Variants in TPD52L1 observed in about 807,000 individuals in gnomAD.
TPD52L1 encodes the protein tumor protein D53.
In TPD52L1, 18 loss-of-function variants were observed where a neutral mutation model predicts 28.7. That is an observed-to-expected ratio of 0.63 (90% confidence interval 0.43 to 0.93). TPD52L1 has a LOEUF of 0.93. Ranked by LOEUF, TPD52L1 falls within the 40% of genes least tolerant of loss-of-function variation. The probability of loss-of-function intolerance (pLI) is 0.00; values close to 1 mark genes in which losing one functional copy is unlikely to be tolerated. For missense variants in TPD52L1, 203 were observed against 254.8 expected (o/e 0.80, Z 1.39); for synonymous variants, 75 against 88.8 (o/e 0.84, Z 0.88).
At chr6:125,214,394 T>C in intron 1 of TPD52L1, 3 of 942,592 alleles carry the variant, frequency 3.2e-6, no homozygotes, top group Non-Finnish European at 3.8e-6. Flanking sequence ...GGCTTAGCTC[T>C]CCTCATTCTC....
chr6:125,250,675 A>G (rs186789267), intron 4 of TPD52L1, among the ~76,000 whole-genome samples: 1 of 152,304 alleles, frequency 6.6e-6, no homozygotes, highest in East Asian at 1.9e-4. Flanking sequence ...TCACATATGC[A>G]ATATGTTGGC....
intron 1 of TPD52L1, among the ~76,000 whole-genome samples, chr6:125,160,369 A>G (rs1790438317): frequency 6.6e-6 from 1 of 152,128 alleles, no homozygotes; most frequent in East Asian, 1.9e-4. Flanking sequence ...TTGTATTTGC[A>G]TTTTCATAGA....
At chr6:125,223,581 C>T (rs1029445913) in intron 2 of TPD52L1, among the ~76,000 whole-genome samples, 3 of 151,778 alleles carry the variant, frequency 2.0e-5, no homozygotes, top group Admixed American at 6.6e-5. Context: ...TGGTGGCATG[C>T]GCCTATAATC....
intron 5 of TPD52L1, 185 bp downstream of exon 5, chr6:125,253,940 G>A (rs1797434122): frequency 5.2e-6 from 4 of 764,290 alleles, no homozygotes; most frequent in Admixed American, 5.1e-5. Context: ...AGACATCCTG[G>A]CTTAAATCTA....
intron 2 of TPD52L1, among the ~76,000 whole-genome samples, chr6:125,224,120 C>T (rs2114973404): frequency 6.6e-6 from 1 of 151,920 alleles, no homozygotes; most frequent in Admixed American, 6.6e-5. Context: ...CCACTATCAT[C>T]CCACTCCCAC....
At chr6:125,206,616 A>G (rs899054130) in intron 1 of TPD52L1, among the ~76,000 whole-genome samples, 3 of 152,222 alleles carry the variant, frequency 2.0e-5, no homozygotes, top group Non-Finnish European at 1.5e-5. Flanking sequence ...TGGTAGGGAC[A>G]TCACAGGCAG....
rs758623258 is a variant in TPD52L1, at chr6:125,156,463, C to CAAAAAAAAAAAAAAA, written c.19+2496_19+2510dup. ...TCTGGACAAGAGTGAGACCTTGTCT[C>CAAAAAAAAAAAAAAA]AAAAAAAAAAAAAAAAAGAGAGAGA... On this transcript the variant is annotated intron_variant, in intron 1 of 6. Coordinates refer to ENST00000534000, the MANE Select transcript of TPD52L1 (RefSeq NM_003287.4). 1.0e-3 allele frequency among the ~76,000 whole-genome samples: 39 copies of CAAAAAAAAAAAAAAA among 37,182 alleles called. 1 individual carries two copies. The highest frequency in any genetic ancestry group is 6.1e-3 in the East Asian group (10 of 1,638). 24.4% of individuals were successfully genotyped at this position (37,182 alleles called of 152,430 possible).
intron 3 of TPD52L1, among the ~76,000 whole-genome samples, chr6:125,243,637 C>A (rs1796750368): frequency 6.6e-6 from 1 of 151,886 alleles, no homozygotes; most frequent in Admixed American, 6.5e-5. Flanking sequence ...CTTTCATTTC[C>A]AGAAGTTATG....
chr6:125,211,549 T>G (rs1343321681), intron 1 of TPD52L1, among the ~76,000 whole-genome samples: 1 of 152,202 alleles, frequency 6.6e-6, no homozygotes, highest in Admixed American at 6.5e-5. Flanking sequence ...GTTTTATGAT[T>G]GCTCGTCTGT....
At chr6:125,208,468 G>A (rs1211843575) in intron 1 of TPD52L1, among the ~76,000 whole-genome samples, 1 of 152,136 alleles carries the variant, frequency 6.6e-6, no homozygotes, top group Non-Finnish European at 1.5e-5. Flanking sequence ...TTCCCAGAAG[G>A]GATTGGTGGA....
chr6:125,249,690 T>TAAA (rs1175742299), intron 4 of TPD52L1, among the ~76,000 whole-genome samples: 3 of 82,308 alleles, frequency 3.6e-5, no homozygotes, highest in African/African-American at 2.1e-4. Flanking sequence ...AGACTCTGTC[T>TAAA]CAAAAAAAAA....
chr6:125,220,490 T>G (rs138366987), intron 2 of TPD52L1, among the ~76,000 whole-genome samples: 26 of 152,340 alleles, frequency 1.7e-4, no homozygotes, highest in African/African-American at 5.8e-4. Context: ...ATGGGAATAA[T>G]AAATTACTTA....
chr6:125,201,578 C>G (rs997495154), intron 1 of TPD52L1, among the ~76,000 whole-genome samples: 1 of 152,196 alleles, frequency 6.6e-6, no homozygotes, highest in African/African-American at 2.4e-5. Flanking sequence ...GTGCAAAAGC[C>G]AACAATGTGT....
At chr6:125,165,472 A>T (rs1790836665) in intron 1 of TPD52L1, among the ~76,000 whole-genome samples, 1 of 152,202 alleles carries the variant, frequency 6.6e-6, no homozygotes, top group Non-Finnish European at 1.5e-5. Flanking sequence ...TTCCCAGAAT[A>T]AAACCACAAA....
chr6:125,248,955 G>A (rs1169264101), intron 4 of TPD52L1, among the ~76,000 whole-genome samples: 1 of 151,720 alleles, frequency 6.6e-6, no homozygotes, highest in African/African-American at 2.4e-5. Flanking sequence ...CGTAGCTATA[G>A]CAATGCTTTT....
At chr6:125,188,581 T>C (rs1204291294) in intron 1 of TPD52L1, among the ~76,000 whole-genome samples, 1 of 152,208 alleles carries the variant, frequency 6.6e-6, no homozygotes, top group Non-Finnish European at 1.5e-5. Flanking sequence ...TATAAAATAA[T>C]GAACAAAATT....
chr6:125,165,092 A>ATATATATATATATATTTATTTATT, intron 1 of TPD52L1, among the ~76,000 whole-genome samples: 3 of 104,194 alleles, frequency 2.9e-5, no homozygotes, highest in African/African-American at 1.8e-4. Context: ...AAAGATATAT[A>ATATATATATATATATTTATTTATT]TATATATTTT....
intron 3 of TPD52L1, among the ~76,000 whole-genome samples, chr6:125,245,233 C>T (rs187701631): frequency 2.4e-4 from 36 of 152,272 alleles, no homozygotes; most frequent in African/African-American, 7.7e-4. Flanking sequence ...GACTCAGGAC[C>T]TCTGGTTAGC....
At chr6:125,236,607 G>A (rs1347938220) in intron 3 of TPD52L1, among the ~76,000 whole-genome samples, 1 of 152,144 alleles carries the variant, frequency 6.6e-6, no homozygotes, top group Non-Finnish European at 1.5e-5. Flanking sequence ...AATTCTTGAA[G>A]AAATGTGGAA....
Sources: gnomAD v4.1 joint callset for allele counts (sites outside exome capture counted in the v4.1 genomes callset) on GRCh38, gnomAD v4.1.1 for gene constraint, MANE v1.5 for transcripts, NCBI Gene and HGNC (gene_info 2026-07-23, HGNC 2026-07-21) for gene names.